ZFHX3: variants seen among roughly 807,000 people sequenced by gnomAD.
The protein encoded by ZFHX3 is zinc finger homeobox 3, also known as zinc finger homeobox protein 3.
A neutral mutation model predicts 279.1 loss-of-function variants in ZFHX3; 42 were observed. The ratio of observed to expected loss-of-function variants is 0.15; its 90% CI spans 0.12 to 0.19. ZFHX3 has a LOEUF of 0.19. Among genes scored for constraint, ZFHX3 ranks in the 10% least tolerant of loss-of-function variants. The pLI, the probability that ZFHX3 is intolerant of heterozygous loss-of-function variation, is 1.00. For synonymous variants in ZFHX3, 2,293 were observed against 1,957.8 expected, an observed-to-expected ratio of 1.17 and a Z score of -4.52; for missense variants, 4,981 against 4,754.0, an observed-to-expected ratio of 1.05 and a Z score of -1.40.
intron 3 of ZFHX3, among the ~76,000 whole-genome samples, chr16:73,392,678 T>C (rs2143403058): frequency 6.6e-6 from 1 of 152,226 alleles, no homozygotes; most frequent in African/African-American, 2.4e-5. Context: ...AAATTCCTAT[T>C]GAAATGGACC....
At chr16:73,619,322 A>C (rs2052334683) in intron 2 of ZFHX3, among the ~76,000 whole-genome samples, 1 of 151,860 alleles carries the variant, frequency 6.6e-6, no homozygotes, top group African/African-American at 2.4e-5. Context: ...TCCCGTCTCT[A>C]CTAAAAATAC....
rs890401701 is a variant in ZFHX3 at position 73,016,895 on chromosome 16, G to C, written c.-50+30857C>G. Among the ~76,000 whole-genome samples the C allele has an allele frequency of 2.0e-5, 3 of 151,442 alleles. No homozygotes were observed. The Admixed American group carries it at 2.0e-4, about 10-fold the overall frequency. On this transcript the variant is annotated intron_variant, in intron 1 of 9. Coordinates refer to ENST00000268489, the MANE Select transcript of ZFHX3 (RefSeq NM_006885.4). ...CGTGTATATCCCAAGAGAGTTTGCT[G>C]AACACTCCTTATGCCTTAATGCACC...
At chr16:73,080,581 G>GT (rs943564432) in intron 8 of ZFHX3, among the ~76,000 whole-genome samples, 1 of 151,290 alleles carries the variant, frequency 6.6e-6, no homozygotes, top group Non-Finnish European at 1.5e-5. Context: ...CTTTTTCTTT[G>GT]TTTTTTTTTT....
intron 2 of ZFHX3, among the ~76,000 whole-genome samples, chr16:73,473,986 A>G (rs777094087): frequency 1.8e-4 from 27 of 152,134 alleles, no homozygotes; most frequent in Non-Finnish European, 2.6e-4. Context: ...GTGCCCAGAA[A>G]CAACACACAA....
At chr16:73,227,598 G>A (rs1482587161) in intron 5 of ZFHX3, among the ~76,000 whole-genome samples, 6 of 151,914 alleles carry the variant, frequency 3.9e-5, no homozygotes, top group Non-Finnish European at 8.8e-5. Context: ...TCTGTAATCC[G>A]AGGACTTTGG....
At chr16:73,438,836 G>A (rs2018039096) in intron 3 of ZFHX3, among the ~76,000 whole-genome samples, 1 of 152,146 alleles carries the variant, frequency 6.6e-6, no homozygotes, top group Admixed American at 6.6e-5. Context: ...TACCTACCTA[G>A]AGAGTGACAG....
At chr16:73,369,711 G>A (rs117302012) in intron 3 of ZFHX3, among the ~76,000 whole-genome samples, 1 of 152,156 alleles carries the variant, frequency 6.6e-6, no homozygotes, top group Non-Finnish European at 1.5e-5. Context: ...TGAAGATTTG[G>A]ATCAGGAGGG....
intron 5 of ZFHX3, among the ~76,000 whole-genome samples, chr16:73,159,223 A>T (rs1422047951): frequency 6.6e-6 from 1 of 152,242 alleles, no homozygotes; most frequent in Non-Finnish European, 1.5e-5. Flanking sequence ...GAACTTAAAC[A>T]AACAAATTTA....
chr16:72,783,163 C>A lies in ZFHX3; in HGVS notation c.*4001G>T, dbSNP rs1357898048. The A allele has an allele frequency of 6.6e-6, 1 of 152,368 alleles. No individual in the cohort carries two copies. Among genetic ancestry groups the A allele is most frequent in the Non-Finnish European group, 1.5e-5 (1 of 67,972 alleles). The allele number at this position is 152,368 out of a possible 1,614,324, so 9.4% of individuals were successfully genotyped here. A position where few individuals can be genotyped will look rare whatever the true frequency, so the allele number is the denominator to read the frequency against. On this transcript the variant is annotated 3_prime_UTR_variant, in exon 10 of 10. Transcript: ENST00000268489. ...ACCAAGAACATCATTTTTGGTTTCA[C>A]TTGCTCTATTTTTTTTGTTGTTTTT...
intron 3 of ZFHX3, among the ~76,000 whole-genome samples, chr16:73,437,508 T>C: frequency 6.6e-6 from 1 of 152,180 alleles, no homozygotes; most frequent in East Asian, 1.9e-4. Context: ...ATATTTTCAA[T>C]GAAATATTCC....
At chr16:73,251,496 T>C (rs2013486109) in intron 5 of ZFHX3, among the ~76,000 whole-genome samples, 2 of 152,162 alleles carry the variant, frequency 1.3e-5, no homozygotes, top group Admixed American at 6.5e-5. Context: ...ATGGGGAAAC[T>C]GAGGCTCAGA....
At chr16:73,464,696 G>T (rs775159090) in intron 2 of ZFHX3, among the ~76,000 whole-genome samples, 3 of 152,216 alleles carry the variant, frequency 2.0e-5, no homozygotes, top group African/African-American at 4.8e-5. Context: ...GCTTTGATCT[G>T]AAGAATTATT....
At chr16:72,975,552 A>G (rs1161727362) in intron 1 of ZFHX3, among the ~76,000 whole-genome samples, 1 of 152,204 alleles carries the variant, frequency 6.6e-6, no homozygotes, top group Non-Finnish European at 1.5e-5. Context: ...TCCATCCCAC[A>G]TGGTAATTAC....
intron 8 of ZFHX3, among the ~76,000 whole-genome samples, chr16:73,077,819 T>A (rs1381869407): frequency 1.3e-5 from 2 of 152,174 alleles, no homozygotes; most frequent in Non-Finnish European, 2.9e-5. Flanking sequence ...TTCTTTTTTG[T>A]TTTTTGTTTG....
At chr16:73,184,740 G>C (rs575177842) in intron 5 of ZFHX3, among the ~76,000 whole-genome samples, 1 of 152,268 alleles carries the variant, frequency 6.6e-6, no homozygotes, top group East Asian at 1.9e-4. Context: ...GGAGGCCCAA[G>C]GATTCAATGT....
chr16:73,027,485 T>C (rs751616398), intron 1 of ZFHX3, among the ~76,000 whole-genome samples: 9 of 152,222 alleles, frequency 5.9e-5, no homozygotes, highest in Non-Finnish European at 1.2e-4. Flanking sequence ...GGGAATGCCT[T>C]TTTATGGGAA....
At chr16:73,184,652 T>C (rs896509053) in intron 5 of ZFHX3, among the ~76,000 whole-genome samples, 1 of 152,010 alleles carries the variant, frequency 6.6e-6, no homozygotes, top group South Asian at 2.1e-4. Context: ...CAGTGTGGGG[T>C]TCTTGCTTGC....
At chr16:73,240,168 C>CT (rs1487332913) in intron 5 of ZFHX3, among the ~76,000 whole-genome samples, 2 of 151,938 alleles carry the variant, frequency 1.3e-5, no homozygotes, top group Non-Finnish European at 2.9e-5. Flanking sequence ...CCACAGCCTT[C>CT]TTGTGCTTAG....
chr16:72,881,837 A>G (rs746316955), intron 4 of ZFHX3, among the ~76,000 whole-genome samples: 1 of 152,098 alleles, frequency 6.6e-6, no homozygotes, highest in African/African-American at 2.4e-5. Context: ...CCCAACTCCC[A>G]GCCCAGCACA....
Sources: gnomAD v4.1 joint callset for allele counts (sites outside exome capture counted in the v4.1 genomes callset) on GRCh38, gnomAD v4.1.1 for gene constraint, MANE v1.5 for transcripts, NCBI Gene and HGNC (gene_info 2026-07-23, HGNC 2026-07-21) for gene names.